Variants in SLIT3 observed in about 807,000 individuals in gnomAD.
SLIT3 encodes the protein slit guidance ligand 3, also known as slit homolog 3 protein.
Under a neutral mutation model 184.0 loss-of-function variants are expected in SLIT3, and 68 were observed. The ratio of observed to expected loss-of-function variants is 0.37; its 90% CI spans 0.30 to 0.45. The LOEUF is 0.45. Among genes scored for constraint, SLIT3 ranks in the 20% least tolerant of loss-of-function variants. The probability of loss-of-function intolerance (pLI) is 1.00; values close to 1 mark genes in which losing one functional copy is unlikely to be tolerated. For missense variants in SLIT3, 1,707 were observed against 2,026.0 expected, an observed-to-expected ratio of 0.84 and a Z score of 3.02; for synonymous variants, 831 against 828.6, an observed-to-expected ratio of 1.00 and a Z score of -0.05.
intron 4 of SLIT3, among the ~76,000 whole-genome samples, chr5:169,106,865 A>G (rs1358478617): frequency 1.3e-5 from 2 of 152,234 alleles, no homozygotes; most frequent in Non-Finnish European, 2.9e-5. Context: ...AACCTGCAAA[A>G]GAGAGAGAGC....
intron 3 of SLIT3, among the ~76,000 whole-genome samples, chr5:169,244,255 TC>T (rs1414795266): frequency 6.6e-5 from 10 of 152,262 alleles, no homozygotes; most frequent in African/African-American, 1.4e-4. Flanking sequence ...GTCCTTCCTC[TC>T]CCCGCAAGAG....
chr5:168,818,063 A>C (rs963061268), intron 7 of SLIT3, among the ~76,000 whole-genome samples: 6 of 148,500 alleles, frequency 4.0e-5, no homozygotes, highest in Middle Eastern at 3.4e-3. Context: ...GGAAATTTTT[A>C]GAGGATGTAC....
chr5:168,762,482 C>A (rs1173071247), intron 15 of SLIT3, 57 bp downstream of exon 15: 2 of 1,581,980 alleles, frequency 1.3e-6, no homozygotes, highest in Admixed American at 1.7e-5. Context: ...CCCACGCTGG[C>A]TCCGGGTGAC....
intron 3 of SLIT3, among the ~76,000 whole-genome samples, chr5:169,229,642 TTC>T (rs60056409): frequency 8.0e-4 from 119 of 148,226 alleles, no homozygotes; most frequent in Middle Eastern, 3.4e-3. Context: ...AAATAAATTC[TTC>T]TCTCTCTCTC....
intron 4 of SLIT3, among the ~76,000 whole-genome samples, chr5:168,940,192 G>C (rs942859771): frequency 6.6e-6 from 1 of 152,204 alleles, no homozygotes; most frequent in African/African-American, 2.4e-5. Context: ...TAACAGGTTT[G>C]CTCTGTTCAA....
intron 8 of SLIT3, among the ~76,000 whole-genome samples, chr5:168,809,369 G>C (rs1274307735): frequency 2.0e-5 from 3 of 152,204 alleles, no homozygotes; most frequent in African/African-American, 7.2e-5. Context: ...ATTAGGCAGA[G>C]AGAAACAATG....
chr5:168,702,453 C>G (rs1014904081), intron 26 of SLIT3, among the ~76,000 whole-genome samples: 1 of 152,108 alleles, frequency 6.6e-6, no homozygotes, highest in Non-Finnish European at 1.5e-5. Context: ...CTATGCAGGA[C>G]CACTTGGCTA....
At chr5:168,914,355 G>C (rs1199091165) in intron 4 of SLIT3, among the ~76,000 whole-genome samples, 1 of 152,160 alleles carries the variant, frequency 6.6e-6, no homozygotes, top group Admixed American at 6.5e-5. Context: ...CTAATGTTGT[G>C]GGCAGCCTCT....
At chr5:168,747,354 C>T (rs1198447704) in intron 20 of SLIT3, among the ~76,000 whole-genome samples, 1 of 152,214 alleles carries the variant, frequency 6.6e-6, no homozygotes, top group Non-Finnish European at 1.5e-5. Flanking sequence ...TAATAAACCA[C>T]GAGCCCCGTG....
chr5:169,185,427 T>C (rs1265946447), intron 4 of SLIT3, among the ~76,000 whole-genome samples: 2 of 152,184 alleles, frequency 1.3e-5, no homozygotes, highest in Non-Finnish European at 2.9e-5. Flanking sequence ...CGCATCCAGC[T>C]TCAGGCAGGG....
chr5:169,165,605 T>C (rs769921920), intron 4 of SLIT3, among the ~76,000 whole-genome samples: 15 of 152,236 alleles, frequency 9.9e-5, no homozygotes, highest in Non-Finnish European at 1.9e-4. Context: ...TCCCCAAATA[T>C]GCATATGGCT....
intron 4 of SLIT3, among the ~76,000 whole-genome samples, chr5:169,052,446 A>G (rs907921110): frequency 1.3e-5 from 2 of 152,132 alleles, no homozygotes; most frequent in Admixed American, 6.6e-5. Context: ...TTCTTTCTAC[A>G]TAATTTACTT....
intron 4 of SLIT3, among the ~76,000 whole-genome samples, chr5:168,935,137 C>CAA (rs369026421): frequency 0.024 from 2,411 of 99,252 alleles, 91 homozygotes; most frequent in African/African-American, 0.081. Flanking sequence ...GACTCCGTCT[C>CAA]AAAAAAAAAA....
intron 4 of SLIT3, among the ~76,000 whole-genome samples, chr5:169,046,369 G>T (rs1757623427): frequency 6.6e-6 from 1 of 152,168 alleles, no homozygotes; most frequent in Non-Finnish European, 1.5e-5. Flanking sequence ...AAGGAGGTGA[G>T]ACTCCAGAAT....
intron 1 of SLIT3, among the ~76,000 whole-genome samples, chr5:169,283,408 T>C (rs988912756): frequency 3.3e-5 from 5 of 152,214 alleles, no homozygotes; most frequent in Admixed American, 6.5e-5. Context: ...CCAATCTCCT[T>C]GTTCCTCTGG....
intron 5 of SLIT3, among the ~76,000 whole-genome samples, chr5:168,857,499 C>T (rs1581151565): frequency 1.3e-5 from 2 of 152,146 alleles, no homozygotes; most frequent in East Asian, 3.9e-4. Context: ...GGCCTAACTT[C>T]TCTGGGCTAA....
intron 4 of SLIT3, among the ~76,000 whole-genome samples, chr5:169,084,189 A>G (rs945794961): frequency 6.6e-5 from 10 of 151,520 alleles, no homozygotes; most frequent in Middle Eastern, 3.4e-3. Flanking sequence ...CCTCACACAC[A>G]CCTCTGTTGG....
intron 5 of SLIT3, among the ~76,000 whole-genome samples, chr5:168,870,059 C>A (rs1759455603): frequency 6.6e-6 from 1 of 152,238 alleles, no homozygotes; most frequent in Non-Finnish European, 1.5e-5. Context: ...CTGATACAAG[C>A]CTGCTCTGAA....
chr5:168,939,923 A>G (rs1762281198), intron 4 of SLIT3, among the ~76,000 whole-genome samples: 1 of 152,234 alleles, frequency 6.6e-6, no homozygotes, highest in African/African-American at 2.4e-5. Flanking sequence ...TGCCTGTTTT[A>G]AAAATGAGCC....
Sources: gnomAD v4.1 joint callset for allele counts (sites outside exome capture counted in the v4.1 genomes callset) on GRCh38, gnomAD v4.1.1 for gene constraint, MANE v1.5 for transcripts, NCBI Gene and HGNC (gene_info 2026-07-23, HGNC 2026-07-21) for gene names.